FRMPD4: variants seen among roughly 807,000 people sequenced by gnomAD.
FRMPD4 encodes FERM and PDZ domain-containing protein 4.
In FRMPD4, 22 loss-of-function variants were observed where a neutral mutation model predicts 94.1. That is an observed-to-expected ratio of 0.23 (90% CI 0.17 to 0.33). The LOEUF (loss-of-function observed/expected upper bound fraction) is 0.33, where lower values mean the gene tolerates loss of function less well. Among genes scored for constraint, FRMPD4 ranks in the 10% least tolerant of loss-of-function variants. FRMPD4 has a pLI of 1.00. For synonymous variants in FRMPD4, 631 were observed against 548.6 expected (o/e 1.15, Z -2.10); for missense variants, 1,111 against 1,339.9 (o/e 0.83, Z 2.67).
At chrX:12,097,766 T>C (rs1342511697) in intron 3 of FRMPD4, among the ~76,000 whole-genome samples, 1 of 112,771 alleles carries the variant, frequency 8.9e-6, no homozygotes, top group East Asian at 2.8e-4. Context: ...GTTCCTTTTG[T>C]ATTGCTGAAT....
At chrX:11,993,459 C>T (rs897677302) in intron 3 of FRMPD4, among the ~76,000 whole-genome samples, 7 of 112,189 alleles carry the variant, frequency 6.2e-5, no homozygotes, top group African/African-American at 2.3e-4. Context: ...CCAGTTGTGA[C>T]AGCCACAAAT....
At chrX:12,063,528 T>C (rs1161828234) in intron 3 of FRMPD4, among the ~76,000 whole-genome samples, 1 of 112,964 alleles carries the variant, frequency 8.9e-6, no homozygotes, top group Non-Finnish European at 1.9e-5. Flanking sequence ...ATTAAATCCA[T>C]ATATACATTT....
At chrX:12,522,114 CAA>C (rs63200862) in intron 2 of FRMPD4, among the ~76,000 whole-genome samples, 399 of 88,203 alleles carry the variant, frequency 4.5e-3, no homozygotes, top group Non-Finnish European at 6.5e-3. Flanking sequence ...GTTACTTCTT[CAA>C]AAAAAAAAAA....
At chrX:12,678,071 G>A (rs1251461000) in intron 5 of FRMPD4, among the ~76,000 whole-genome samples, 2 of 111,774 alleles carry the variant, frequency 1.8e-5, no homozygotes, top group Non-Finnish European at 3.8e-5. Context: ...CTATGCCTTA[G>A]TTGAGATCAT....
Position 12,707,582 on chromosome X carries a change from C to G in FRMPD4, c.1401C>G (p.Val467=), listed in dbSNP as rs6641078. 171,316 of 1,209,080 alleles carry G rather than the reference C, an allele frequency of 0.14. 12,954 individuals carry two copies. The highest frequency in any genetic ancestry group is 0.7 in the East Asian group (23,542 of 33,655). Reference sequence around the variant, plus strand: ...CTCTTTTAGCCGACTTTAGCCACGTCAACAGGATCGAAATGTTTTCCGAGG... The same window carrying G: ...CTCTTTTAGCCGACTTTAGCCACGTGAACAGGATCGAAATGTTTTCCGAGG... ...LVALLADFSH[V]NRIEMFSEEE... The change falls in exon 13 of 17, where the codon GTC becomes GTG. Residue 467 remains valine, a synonymous_variant. Transcript: ENST00000675598.
intron 3 of FRMPD4, among the ~76,000 whole-genome samples, chrX:12,115,511 A>G (rs1028316135): frequency 9.0e-6 from 1 of 110,826 alleles, no homozygotes; most frequent in Non-Finnish European, 1.9e-5. Context: ...CCATTCCTTC[A>G]GTATTGCCTG....
chrX:12,508,651 T>A (rs902903042), intron 2 of FRMPD4, among the ~76,000 whole-genome samples: 1 of 111,755 alleles, frequency 8.9e-6, no homozygotes, highest in Non-Finnish European at 1.9e-5. Flanking sequence ...GATACAAAAA[T>A]CAGTGAGTAT....
chrX:12,006,720 C>T (rs950677840), intron 3 of FRMPD4, among the ~76,000 whole-genome samples: 25 of 111,753 alleles, frequency 2.2e-4, no homozygotes, highest in African/African-American at 7.2e-4. Context: ...GAGACTGAGA[C>T]CATCAATTTT....
At chrX:12,198,705 C>T (rs2056594474) in intron 1 of FRMPD4, among the ~76,000 whole-genome samples, 1 of 112,399 alleles carries the variant, frequency 8.9e-6, no homozygotes, top group Non-Finnish European at 1.9e-5. Flanking sequence ...ATTCAAATGT[C>T]ATTTCCATTA....
intron 1 of FRMPD4, among the ~76,000 whole-genome samples, chrX:12,338,193 G>A (rs1327199497): frequency 8.9e-6 from 1 of 111,812 alleles, no homozygotes; most frequent in Non-Finnish European, 1.9e-5. Flanking sequence ...CACACAAGGG[G>A]GATTAGGTTT....
intron 4 of FRMPD4, among the ~76,000 whole-genome samples, chrX:12,656,175 CTCAG>C (rs2059654079): frequency 9.0e-6 from 1 of 111,665 alleles, no homozygotes; most frequent in Non-Finnish European, 1.9e-5. Flanking sequence ...GTAGAAGGAA[CTCAG>C]TCAGACACTA....
chrX:12,171,332 T>C (rs2056218005), intron 1 of FRMPD4, among the ~76,000 whole-genome samples: 1 of 111,962 alleles, frequency 8.9e-6, no homozygotes, highest in Non-Finnish European at 1.9e-5. Context: ...GCAAGTTCTA[T>C]TTATTTTTAT....
chrX:12,505,198 C>G (rs2057967506), intron 2 of FRMPD4, among the ~76,000 whole-genome samples: 1 of 111,542 alleles, frequency 9.0e-6, no homozygotes. Flanking sequence ...TGCCTGCCAC[C>G]CTTGATTTTT....
In FRMPD4 at chrX:12,392,921, C is replaced by T. The variant is rs138693763; in HGVS notation, c.42-105759C>T. On this transcript the variant is annotated intron_variant, in intron 1 of 16. Transcript: ENST00000675598. ...AGTAACAAACTTAGTGAGCCAAGAT[C>T]GCGCCACTGCACTCCACCCTGGGTG... Among the ~76,000 whole-genome samples the T allele has an allele frequency of 1.5e-3, 167 of 111,975 alleles. 1 individual carries two copies. Among genetic ancestry groups the T allele is most frequent in the African/African-American group, 5.3e-3 (162 of 30,850 alleles).
At chrX:12,656,954 C>T (rs367977861) in intron 4 of FRMPD4, among the ~76,000 whole-genome samples, 25 of 110,335 alleles carry the variant, frequency 2.3e-4, no homozygotes, top group Non-Finnish European at 1.7e-4. Flanking sequence ...GGTGTGGTGG[C>T]GTGTGCCTGT....
chrX:11,920,913 A>G (rs1250689974), intron 3 of FRMPD4, among the ~76,000 whole-genome samples: 1 of 112,063 alleles, frequency 8.9e-6, no homozygotes, highest in East Asian at 2.8e-4. Context: ...ACCTTTGTGC[A>G]TGTGTCTAGC....
At chrX:12,473,230 G>A (rs1479801513) in intron 1 of FRMPD4, among the ~76,000 whole-genome samples, 1 of 109,605 alleles carries the variant, frequency 9.1e-6, no homozygotes, top group Non-Finnish European at 1.9e-5. Flanking sequence ...ATAAGTGAAG[G>A]AGAAATAAAA....
At chrX:12,600,501 A>G (rs2059075271) in intron 2 of FRMPD4, among the ~76,000 whole-genome samples, 1 of 112,339 alleles carries the variant, frequency 8.9e-6, no homozygotes, top group African/African-American at 3.2e-5. Flanking sequence ...ATGTCTAAAC[A>G]TCTGTTTCCC....
At chrX:12,070,125 G>C (rs745630050) in intron 3 of FRMPD4, among the ~76,000 whole-genome samples, 56 of 110,689 alleles carry the variant, frequency 5.1e-4, no homozygotes, top group Non-Finnish European at 8.1e-4. Flanking sequence ...ACATAGAGAG[G>C]GGGAAATTGA....
Sources: gnomAD v4.1 joint callset for allele counts (sites outside exome capture counted in the v4.1 genomes callset) on GRCh38, gnomAD v4.1.1 for gene constraint, MANE v1.5 for transcripts, NCBI Gene and HGNC (gene_info 2026-07-23, HGNC 2026-07-21) for gene names.